TRIM14: variants seen among roughly 807,000 people sequenced by gnomAD.
TRIM14 encodes the protein tripartite motif-containing protein 14.
TRIM14 carries 28 observed loss-of-function variants against 44.5 expected under a neutral mutation model. The ratio of observed to expected loss-of-function variants is 0.63; its 90% CI spans 0.47 to 0.86. The LOEUF (loss-of-function observed/expected upper bound fraction) is 0.86. TRIM14 is among the 40% of genes least tolerant of loss of function. TRIM14 has a pLI of 0.00. For synonymous variants in TRIM14, 299 were observed against 269.2 expected (o/e 1.11, Z -1.08); for missense variants, 607 against 611.1 (o/e 0.99, Z 0.07).
chr9:98,037,889 ATGT>A, the TRIM14 span, among the ~76,000 whole-genome samples: 1 of 151,952 alleles, frequency 6.6e-6, no homozygotes, highest in South Asian at 2.1e-4. Context: ...CTGGTTTAAT[ATGT>A]TGTTATTACT....
the TRIM14 span, among the ~76,000 whole-genome samples, chr9:98,058,626 T>C: frequency 6.6e-6 from 1 of 152,224 alleles, no homozygotes; most frequent in Non-Finnish European, 1.5e-5. Context: ...ACTGAAGCCA[T>C]AGAAACAAAG....
At chr9:98,110,056 C>A (rs1826787495) in intron 1 of TRIM14, 72 bp from the exon 2 acceptor site, 2 of 1,144,518 alleles carry the variant, frequency 1.7e-6, no homozygotes, top group South Asian at 1.2e-5. Context: ...CCACAGGGGT[C>A]ACCTCCTCTT....
chr9:98,098,792 T>C (rs1826281216), intron 3 of TRIM14, among the ~76,000 whole-genome samples: 1 of 152,084 alleles, frequency 6.6e-6, no homozygotes, highest in African/African-American at 2.4e-5. Flanking sequence ...GGCTAGTTCT[T>C]TTCTTTTTTT....
At chr9:98,036,143 GCAGA>G in the TRIM14 span, among the ~76,000 whole-genome samples, 3 of 151,708 alleles carry the variant, frequency 2.0e-5, no homozygotes, top group Non-Finnish European at 4.4e-5. Context: ...GTTGCAGTGA[GCAGA>G]GATCGTGCCA....
At chr9:98,116,762 T>A (rs973927420) in intron 1 of TRIM14, among the ~76,000 whole-genome samples, 1 of 151,520 alleles carries the variant, frequency 6.6e-6, no homozygotes, top group African/African-American at 2.4e-5. Flanking sequence ...GAGGATTGCT[T>A]GACCCTGGGA....
chr9:98,098,655 G>T (rs1451070018), intron 3 of TRIM14, among the ~76,000 whole-genome samples: 1 of 150,902 alleles, frequency 6.6e-6, no homozygotes, highest in Admixed American at 6.6e-5. Context: ...TGTAAGCCGA[G>T]ATCACACCAC....
intron 2 of TRIM14, among the ~76,000 whole-genome samples, chr9:98,102,447 G>A (rs1372324964): frequency 6.6e-6 from 1 of 152,050 alleles, no homozygotes; most frequent in Non-Finnish European, 1.5e-5. Flanking sequence ...TATGTATATC[G>A]GTTCATTATA....
chr9:98,083,991 G>GCTGA (rs1355941641), downstream of TRIM14, among the ~76,000 whole-genome samples: 1 of 152,242 alleles, frequency 6.6e-6, no homozygotes, highest in African/African-American at 2.4e-5. Context: ...TCAGGGAGCA[G>GCTGA]CTGACTACTA....
At chr9:98,079,432 A>G (rs986066308), downstream of TRIM14, among the ~76,000 whole-genome samples, 7 of 151,398 alleles carry the variant, frequency 4.6e-5, no homozygotes, top group African/African-American at 1.7e-4. Flanking sequence ...TGTTTTCCCC[A>G]TAATATAAGC....
chr9:98,042,324 T>G, the TRIM14 span, among the ~76,000 whole-genome samples: 1 of 151,042 alleles, frequency 6.6e-6, no homozygotes, highest in Admixed American at 6.6e-5. Flanking sequence ...TTTCCTATAA[T>G]TTTTAAATTG....
At chr9:98,082,630 T>C (rs554888831), downstream of TRIM14, among the ~76,000 whole-genome samples, 29 of 152,326 alleles carry the variant, frequency 1.9e-4, no homozygotes, top group African/African-American at 6.5e-4. Flanking sequence ...CTTTGCACTT[T>C]GTTGTAAAGG....
chr9:98,088,879 CTT>C (rs1170223629), intron 5 of TRIM14, among the ~76,000 whole-genome samples: 1 of 151,992 alleles, frequency 6.6e-6, no homozygotes, highest in Non-Finnish European at 1.5e-5. Context: ...TAACATTTCT[CTT>C]TGCATTACAC....
downstream of TRIM14, chr9:98,080,670 G>C (rs1200215103): frequency 1.3e-6 from 1 of 791,348 alleles, no homozygotes; most frequent in Non-Finnish European, 1.9e-6. Context: ...CCCTAGGAAA[G>C]AGAGGCTCAG....
At chr9:98,118,588 C>G (rs1336589289) in intron 1 of TRIM14, among the ~76,000 whole-genome samples, 3 of 152,154 alleles carry the variant, frequency 2.0e-5, no homozygotes, top group Non-Finnish European at 4.4e-5. Flanking sequence ...GTGTGGCTTT[C>G]TGAGCTACAC....
intron 1 of TRIM14, among the ~76,000 whole-genome samples, chr9:98,118,277 T>G (rs72755474): frequency 0.12 from 18,232 of 152,136 alleles, 1,650 homozygotes; most frequent in East Asian, 0.42. Flanking sequence ...GTTAGGATTA[T>G]GCATGGGTAA....
chr9:98,109,986 T>C lies in TRIM14; in HGVS notation c.208-2A>G. ...CTTTAAACATTCTTGGCTGAGTTTC[T>C]GTACAGGAGGGAGTTAGGAAAAAAG... On this transcript the variant is annotated splice_acceptor_variant, in intron 1 of 5. Transcript: ENST00000341469. LOFTEE classifies it high-confidence loss of function. The C allele has an allele frequency of 1.2e-6, 2 of 1,613,502 alleles. No individual in the cohort carries two copies. Among genetic ancestry groups the C allele is most frequent in the Non-Finnish European group, 1.7e-6 (2 of 1,179,444 alleles).
In TRIM14 at chr9:98,094,951, C is replaced by G. The variant is rs1826129604; in HGVS notation, c.616G>C (p.Glu206Gln). 2 of 1,614,026 alleles carry G rather than the reference C, an allele frequency of 1.2e-6. No individual in the cohort carries two copies. Among genetic ancestry groups the G allele is most frequent in the Non-Finnish European group, 1.7e-6 (2 of 1,180,024 alleles). ...CCCTTAAAGAAGCTCTTGACGGGCT[C>G]AAAGGAGAGGGGCACGGGATGGCAC... Reference protein sequence around the residue: ...ELCHPVPLSFEPVKSFFKGLV... With the variant: ...ELCHPVPLSFQPVKSFFKGLV... Residue 206 changes from glutamate (E) to glutamine (Q), a missense_variant, in exon 4 of 6, where the codon GAG (glutamate) becomes CAG (glutamine). This residue lies in a region of TRIM14 where 246 missense variants were observed against 270.8 expected (regional missense o/e 0.91). Coordinates refer to ENST00000341469, the MANE Select transcript of TRIM14 (RefSeq NM_014788.4).
chr9:98,107,262 A>G (rs1826650484), intron 2 of TRIM14, among the ~76,000 whole-genome samples: 1 of 152,250 alleles, frequency 6.6e-6, no homozygotes, highest in African/African-American at 2.4e-5. Flanking sequence ...CAGGTGCCAT[A>G]TGACCCAGCA....
At chr9:98,115,072 T>G (rs1313848490) in intron 1 of TRIM14, among the ~76,000 whole-genome samples, 1 of 152,152 alleles carries the variant, frequency 6.6e-6, no homozygotes, top group Non-Finnish European at 1.5e-5. Context: ...TGTGTTTACT[T>G]TTTTTATTTT....
Sources: allele counts gnomAD v4.1 joint callset (sites outside exome capture counted in the v4.1 genomes callset), GRCh38; gene constraint gnomAD v4.1.1; regional missense constraint gnomAD v4.1.1; transcripts MANE v1.5; gene names NCBI Gene and HGNC (gene_info 2026-07-23, HGNC 2026-07-21).